The following ENTREP2 variants were observed in gnomAD, a reference collection of about 807,000 sequenced individuals.
ENTREP2 encodes protein ENTREP2.
the ENTREP2 span, among the ~76,000 whole-genome samples, chr15:29,298,157 T>C: frequency 2.0e-5 from 3 of 148,460 alleles, no homozygotes; most frequent in Admixed American, 6.7e-5. Context: ...CTAAGTAACC[T>C]ATGAATCAAA....
the ENTREP2 span, among the ~76,000 whole-genome samples, chr15:29,484,413 G>C: frequency 6.6e-6 from 1 of 152,230 alleles, no homozygotes. Context: ...CCATGGCCCA[G>C]AAGCAGTACT....
chr15:29,394,549 A>G, the ENTREP2 span, among the ~76,000 whole-genome samples: 1 of 152,174 alleles, frequency 6.6e-6, no homozygotes, highest in African/African-American at 2.4e-5. Context: ...TTAAAAAATT[A>G]TTTGTTTTTT....
the ENTREP2 span, among the ~76,000 whole-genome samples, chr15:29,259,027 T>C: frequency 6.6e-6 from 1 of 152,198 alleles, no homozygotes; most frequent in Non-Finnish European, 1.5e-5. Context: ...AACTATTTCA[T>C]AACTCTGGAA....
the ENTREP2 span, among the ~76,000 whole-genome samples, chr15:29,332,703 T>C: frequency 2.0e-5 from 3 of 152,164 alleles, no homozygotes; most frequent in African/African-American, 4.8e-5. Context: ...CTCATGCCTG[T>C]AATCCCAGCA....
chr15:29,133,323 G>A, the ENTREP2 span, among the ~76,000 whole-genome samples: 1 of 152,194 alleles, frequency 6.6e-6, no homozygotes, highest in African/African-American at 2.4e-5. Context: ...GCAGGGCTGA[G>A]GCTTTTATAC....
the ENTREP2 span, among the ~76,000 whole-genome samples, chr15:29,223,897 GCA>G: frequency 6.6e-6 from 1 of 152,194 alleles, no homozygotes; most frequent in Non-Finnish European, 1.5e-5. Context: ...ACGTCCCAGT[GCA>G]CATGAAGTAA....
At chr15:29,273,681 G>C in the ENTREP2 span, among the ~76,000 whole-genome samples, 1 of 152,316 alleles carries the variant, frequency 6.6e-6, no homozygotes, top group African/African-American at 2.4e-5. Context: ...CTAATCAGCT[G>C]CCAGTGCGGC....
the ENTREP2 span, among the ~76,000 whole-genome samples, chr15:29,137,714 T>C: frequency 6.6e-6 from 1 of 152,176 alleles, no homozygotes; most frequent in Non-Finnish European, 1.5e-5. Context: ...TGCATGCCTG[T>C]AATCCCAGCT....
the ENTREP2 span, among the ~76,000 whole-genome samples, chr15:29,206,177 G>A: frequency 6.6e-6 from 1 of 152,176 alleles, no homozygotes; most frequent in Admixed American, 6.5e-5. Flanking sequence ...TAAAACACCA[G>A]CAGATTTGGT....
At chr15:29,327,464 G>A in the ENTREP2 span, among the ~76,000 whole-genome samples, 7 of 151,928 alleles carry the variant, frequency 4.6e-5, no homozygotes, top group East Asian at 3.9e-4. Context: ...GTGTGCTAGC[G>A]GGCGCCTGTA....
the ENTREP2 span, among the ~76,000 whole-genome samples, chr15:29,516,982 A>AC: frequency 6.6e-6 from 1 of 151,526 alleles, no homozygotes; most frequent in Non-Finnish European, 1.5e-5. Flanking sequence ...AAAAAAAAAA[A>AC]AAAAACTACT....
chr15:29,269,738 G>A, the ENTREP2 span: 22 of 1,455,280 alleles, frequency 1.5e-5, no homozygotes, highest in East Asian at 2.8e-5. Context: ...GCACACTCCG[G>A]TAGGCAAGCA....
At chr15:29,626,938 A>G in the ENTREP2 span, among the ~76,000 whole-genome samples, 3 of 152,254 alleles carry the variant, frequency 2.0e-5, no homozygotes, top group African/African-American at 4.8e-5. Flanking sequence ...CAGTCTTGAG[A>G]TAATTTTGTC....
At chr15:29,151,625 C>T in the ENTREP2 span, 6 of 820,372 alleles carry the variant, frequency 7.3e-6, no homozygotes, top group African/African-American at 8.5e-5. Flanking sequence ...CTCCAGGTGC[C>T]ATGGACTGTC....
chr15:29,330,282 CAAAA>C, the ENTREP2 span, among the ~76,000 whole-genome samples: 1 of 112,890 alleles, frequency 8.9e-6, no homozygotes, highest in African/African-American at 3.3e-5. Context: ...ACTAAAAATA[CAAAA>C]AAAAAAAAAA....
the ENTREP2 span, among the ~76,000 whole-genome samples, chr15:29,655,292 A>G: frequency 6.6e-6 from 1 of 152,172 alleles, no homozygotes; most frequent in African/African-American, 2.4e-5. Context: ...TGCACAAGGT[A>G]AAACTAGAGA....
At chr15:29,598,442 T>G in the ENTREP2 span, among the ~76,000 whole-genome samples, 1 of 152,256 alleles carries the variant, frequency 6.6e-6, no homozygotes, top group African/African-American at 2.4e-5. Context: ...TTCAGAAATT[T>G]TATTTAGTCA....
chr15:29,326,079 A>C, the ENTREP2 span, among the ~76,000 whole-genome samples: 1 of 152,136 alleles, frequency 6.6e-6, no homozygotes, highest in Non-Finnish European at 1.5e-5. Context: ...AACAAAGATG[A>C]TCTTCCTCAA....
chr15:29,416,072 C>T, the ENTREP2 span, among the ~76,000 whole-genome samples: 1 of 152,080 alleles, frequency 6.6e-6, no homozygotes, highest in Non-Finnish European at 1.5e-5. Flanking sequence ...CCATAATGCC[C>T]AAGGTAATTT....
Sources: gnomAD v4.1 joint callset for allele counts (sites outside exome capture counted in the v4.1 genomes callset) on GRCh38, gnomAD v4.1.1 for gene constraint, MANE v1.5 for transcripts, NCBI Gene and HGNC (gene_info 2026-07-23, HGNC 2026-07-21) for gene names.